CLSTN3: variants seen among roughly 807,000 people sequenced by gnomAD.
CLSTN3 encodes calsyntenin 3, also known as calsyntenin-3.
A neutral mutation model predicts 95.9 loss-of-function variants in CLSTN3; 36 were observed. The observed-to-expected ratio is 0.38, with a 90% CI of 0.29 to 0.50. The LOEUF (loss-of-function observed/expected upper bound fraction) is 0.50, where lower values mean the gene tolerates loss of function less well. CLSTN3 is among the 20% of genes least tolerant of loss of function. The pLI, the probability that CLSTN3 is intolerant of heterozygous loss-of-function variation, is 0.95. For synonymous variants in CLSTN3, 481 were observed against 504.0 expected, an observed-to-expected ratio of 0.95 and a Z score of 0.61; for missense variants, 1,084 against 1,268.8, an observed-to-expected ratio of 0.85 and a Z score of 2.21.
rs1338532513 is a variant in CLSTN3, at chr12:7,135,308, T to C, written c.384-19T>C. On this transcript the variant is annotated intron_variant, in intron 3 of 17. Coordinates refer to ENST00000266546, the MANE Select transcript of CLSTN3 (RefSeq NM_014718.4). ...CTGGCTGACGTGTCTTCATCCCTCCTTCTCTCTGGCATATGCAGGGCCACT... is the reference window on the plus strand; with the variant it reads ...CTGGCTGACGTGTCTTCATCCCTCCCTCTCTCTGGCATATGCAGGGCCACT... 2.5e-6 allele frequency: 4 copies of C among 1,612,056 alleles called. No homozygotes were observed. The African/African-American group carries it at 4.0e-5, about 16-fold the overall frequency.
In CLSTN3 at chr12:7,157,020, G is replaced by A; in HGVS notation, c.2528-469G>A. 8.4e-6 allele frequency: 3 copies of A among 358,288 alleles called. No individual in the cohort carries two copies. Among genetic ancestry groups the A allele is most frequent in the South Asian group, 6.3e-5 (3 of 47,802 alleles). The allele number at this position is 358,288 out of a possible 1,614,324, so 22.2% of individuals were successfully genotyped here. A position where few individuals can be genotyped will look rare whatever the true frequency, so the allele number is the denominator to read the frequency against. ...TCTTCCTGCAGCCAGCCCAGGCCTG[G>A]AGCCTGCATCTCCTCCTGCTCAGCC... On this transcript the variant is annotated intron_variant, in intron 16 of 17. Coordinates refer to ENST00000266546, the MANE Select transcript of CLSTN3 (RefSeq NM_014718.4). The surrounding 1 kb of genome is among the most constrained non-coding windows in gnomAD (Gnocchi z 5.9).
intron 1 of CLSTN3, chr12:7,132,256 CA>C (rs1939319250): frequency 8.2e-6 from 2 of 242,810 alleles, no homozygotes; most frequent in Non-Finnish European, 1.7e-5. Flanking sequence ...TTGTGGAGGA[CA>C]TAGAAATGTG....
rs774454301 is a variant in CLSTN3, at chr12:7,148,981, C to T, written c.1857C>T (p.Ser619=). The part of the protein sequence containing the change: ...LRLTTAVKCF[S]EESCVSIPEV... ...CTGCTTTCTTACATAGGTGCTTCAG[C>T]GAAGAGTCCTGCGTCTCCATCCCTG... is the stretch of plus-strand genomic sequence containing the variant. Residue 619 remains serine (S), a synonymous_variant, in exon 13 of 18, where the codon AGC becomes AGT. Transcript: ENST00000266546. The T allele has an allele frequency of 8.7e-6, 14 of 1,613,780 alleles. No homozygotes were observed. The highest frequency in any genetic ancestry group is 4.4e-5 in the South Asian group (4 of 91,086).
chr12:7,147,441 G>A (rs2135810425), intron 12 of CLSTN3, among the ~76,000 whole-genome samples: 1 of 148,378 alleles, frequency 6.7e-6, no homozygotes, highest in South Asian at 2.1e-4. Flanking sequence ...GGACCTGGAA[G>A]GAGAAGAATG....
In CLSTN3 at chr12:7,130,401, G is replaced by A; in HGVS notation, c.-248G>A. ...GCAGTAGCGGGGTTGGGGTGGGAGT[G>A]AGAGAGTGAGGACGCTGGGCTGGGG... is the stretch of plus-strand genomic sequence containing the variant. On this transcript the variant is annotated 5_prime_UTR_variant, in exon 1 of 18. Transcript: ENST00000266546. 1 of 1,436,952 alleles carries A rather than the reference G, an allele frequency of 7.0e-7. No individual in the cohort carries two copies. Among genetic ancestry groups the A allele is most frequent in the Non-Finnish European group, 9.1e-7 (1 of 1,097,160 alleles). The allele number at this position is 1,436,952 out of a possible 1,614,324, so 89.0% of individuals were successfully genotyped here.
At chr12:7,129,663 G>A, upstream of CLSTN3, 1 of 985,444 alleles carries the variant, frequency 1.0e-6, no homozygotes. The surrounding 1 kb of genome is among the most constrained non-coding windows in gnomAD (Gnocchi z 5.5). Context: ...GGGTGGAGGC[G>A]CCTAAATAAT....
Position 7,133,459 on chromosome 12 carries a change from C to T in CLSTN3, c.188-114C>T, listed in dbSNP as rs1939343960. The T allele has an allele frequency of 1.9e-6, 2 of 1,049,312 alleles. No homozygotes were observed. Among genetic ancestry groups the T allele is most frequent in the East Asian group, 2.4e-5 (1 of 41,610 alleles). 65.0% of individuals were successfully genotyped at this position (1,049,312 alleles called of 1,614,324 possible). ...TTGATCATTAATGCTTTTGTGCCTACAGGAGAAGGGACAGGGCTTTGGGAG... is the reference window on the plus strand; with the variant it reads ...TTGATCATTAATGCTTTTGTGCCTATAGGAGAAGGGACAGGGCTTTGGGAG... On this transcript the variant is annotated intron_variant, in intron 2 of 17. Transcript: ENST00000266546. This position sits in a 1 kb window ranked among gnomAD's most constrained non-coding sequence, Gnocchi z 4.7.
At chr12:7,156,548 C>T (rs982095785) in intron 16 of CLSTN3, 16 of 456,698 alleles carry the variant, frequency 3.5e-5, no homozygotes, top group Admixed American at 3.3e-4. Context: ...GCAGTGTGAG[C>T]AGGCGGCCAG....
In CLSTN3 at chr12:7,157,740, A is replaced by G. The variant is rs1254810871; in HGVS notation, c.2730+49A>G. 3 of 1,537,180 alleles carry G rather than the reference A, an allele frequency of 2.0e-6. No individual in the cohort carries two copies. The East Asian group carries it at 7.3e-5, about 38-fold the overall frequency. Reference sequence around the variant, plus strand: ...TTCTGTAGGGTCAAGACTGTGGAGCACACACGGTGAGGACTCCTGAGGAGG... The same window carrying G: ...TTCTGTAGGGTCAAGACTGTGGAGCGCACACGGTGAGGACTCCTGAGGAGG... On this transcript the variant is annotated intron_variant, in intron 17 of 17. Coordinates refer to ENST00000266546, the MANE Select transcript of CLSTN3 (RefSeq NM_014718.4). This position sits in a 1 kb window ranked among gnomAD's most constrained non-coding sequence, Gnocchi z 5.9.
rs1939525357 is a variant in CLSTN3 at position 7,141,481 on chromosome 12, G to C, written c.1486+77G>C. 6.6e-7 allele frequency: 1 copy of C among 1,518,484 alleles called. No homozygotes were observed. The highest frequency in any genetic ancestry group is 2.3e-5 in the East Asian group (1 of 44,406). 94.1% of individuals were successfully genotyped at this position (1,518,484 alleles called of 1,614,324 possible). A position where few individuals can be genotyped will look rare whatever the true frequency, so the allele number is the denominator to read the frequency against. ...GGCTGGTGAGGAGCAAGGGCAGTCT[G>C]ACCCAGCAGCTGAGGCCGCCTCCTG... On this transcript the variant is annotated intron_variant, in intron 9 of 17. Transcript: ENST00000266546. This position sits in a 1 kb window ranked among gnomAD's most constrained non-coding sequence, Gnocchi z 4.1.
upstream of CLSTN3, chr12:7,130,305 C>G (rs1035097533): frequency 3.3e-5 from 29 of 877,002 alleles, 1 homozygote; most frequent in East Asian, 1.4e-3. Flanking sequence ...GCACCTGGTC[C>G]CCCCCCCTCC....
Position 7,148,967 on chromosome 12 carries a change from C to A in CLSTN3, c.1848-5C>A. On this transcript the variant is annotated splice_region_variant and splice_polypyrimidine_tract_variant and intron_variant, in intron 12 of 17. Transcript: ENST00000266546. ...ACATGCTGCTTCTCCTGCTTTCTTA[C>A]ATAGGTGCTTCAGCGAAGAGTCCTG... is the stretch of plus-strand genomic sequence containing the variant. 1.2e-6 allele frequency: 2 copies of A among 1,613,256 alleles called. No individual in the cohort carries two copies. The highest frequency in any genetic ancestry group is 1.7e-6 in the Non-Finnish European group (2 of 1,179,236).
In CLSTN3 at chr12:7,149,339, G is replaced by C. The variant is rs1364632612; in HGVS notation, c.2074+141G>C. The C allele has an allele frequency of 1.1e-6, 1 of 928,456 alleles. No individual in the cohort carries two copies. Among genetic ancestry groups the C allele is most frequent in the African/African-American group, 1.7e-5 (1 of 60,130 alleles). The allele number at this position is 928,456 out of a possible 1,614,324, so 57.5% of individuals were successfully genotyped here. A position where few individuals can be genotyped will look rare whatever the true frequency, so the allele number is the denominator to read the frequency against. On this transcript the variant is annotated intron_variant, in intron 13 of 17. Coordinates refer to ENST00000266546, the MANE Select transcript of CLSTN3 (RefSeq NM_014718.4). This position sits in a 1 kb window ranked among gnomAD's most constrained non-coding sequence, Gnocchi z 4.5. ...GACTGAACAACTTACCTTTAAGAAG[G>C]AGAGCAAGTGGAAAACACGTGGGTG... is the stretch of plus-strand genomic sequence containing the variant.
chr12:7,158,024 C>T lies in CLSTN3; in HGVS notation c.2814C>T (p.Ala938=), dbSNP rs142864552. 416 of 1,550,708 alleles carry T rather than the reference C, an allele frequency of 2.7e-4. 2 individuals carry two copies. In the East Asian group the frequency reaches 8.0e-3, roughly 30 times the overall value. Residue 938 remains alanine, a synonymous_variant, in exon 18 of 18, where the codon GCC becomes GCT. Transcript: ENST00000266546. ...AGGACAGCAGTGACTCGGAGGTGGC[C>T]GATTCCCCCAGCAGCGACGAGAGAC... is the stretch of plus-strand genomic sequence containing the variant. The part of the protein sequence containing the change: ...EDEDSSDSEV[A]DSPSSDERRI...
In CLSTN3 at chr12:7,135,977, A is replaced by G. The variant is rs202151281; in HGVS notation, c.742+24A>G. 5,664 of 1,571,766 alleles carry G rather than the reference A, an allele frequency of 3.6e-3. 18 individuals are homozygous for G. Among genetic ancestry groups the G allele is most frequent in the Non-Finnish European group, 4.4e-3 (5,159 of 1,161,292 alleles). On this transcript the variant is annotated intron_variant, in intron 5 of 17. Transcript: ENST00000266546. ...AGGTGAGAGCTCAGCGCTGTGCCCC[A>G]TCTTGTGAATCATCTTTTTTCTTGG...
rs996019131 is a variant in CLSTN3, at chr12:7,158,334, G to A, written c.*253G>A. The A allele has an allele frequency of 3.0e-5, 12 of 403,552 alleles. No individual in the cohort carries two copies. The highest frequency in any genetic ancestry group is 4.4e-5 in the Non-Finnish European group (10 of 226,552). The allele number at this position is 403,552 out of a possible 1,614,324, so 25.0% of individuals were successfully genotyped here. A position where few individuals can be genotyped will look rare whatever the true frequency, so the allele number is the denominator to read the frequency against. ...GCACTGGGGCTGGCTGGGTTGGAAAGTGGGCTGGACTTCAGCTGCCTTTCT... is the reference window on the plus strand; with the variant it reads ...GCACTGGGGCTGGCTGGGTTGGAAAATGGGCTGGACTTCAGCTGCCTTTCT... On this transcript the variant is annotated 3_prime_UTR_variant, in exon 18 of 18. Coordinates refer to ENST00000266546, the MANE Select transcript of CLSTN3 (RefSeq NM_014718.4).
Position 7,130,496 on chromosome 12 carries a change from G to GGACTA in CLSTN3, c.-151_-147dup. ...TGGGATCTGCCCAGGCCCGCTTTAT[G>GGACTA]GACTAGTGTGGGCGGCAGGCTCCTT... On this transcript the variant is annotated 5_prime_UTR_variant, in exon 1 of 18. Transcript: ENST00000266546. 6.5e-7 allele frequency: 1 copy of GGACTA among 1,530,838 alleles called. No individual in the cohort carries two copies. The highest frequency in any genetic ancestry group is 1.4e-5 in the African/African-American group (1 of 72,878). 94.8% of individuals were successfully genotyped at this position (1,530,838 alleles called of 1,614,324 possible). A position where few individuals can be genotyped will look rare whatever the true frequency, so the allele number is the denominator to read the frequency against.
Position 7,149,728 on chromosome 12 carries a change from G to A in CLSTN3, c.2245+35G>A, listed in dbSNP as rs1939692266. The A allele has an allele frequency of 6.3e-7, 1 of 1,582,530 alleles. No homozygotes were observed. The highest frequency in any genetic ancestry group is 8.6e-7 in the Non-Finnish European group (1 of 1,160,066). On this transcript the variant is annotated intron_variant, in intron 14 of 17. Transcript: ENST00000266546. The surrounding 1 kb of genome is among the most constrained non-coding windows in gnomAD (Gnocchi z 4.5). Reference sequence around the variant, plus strand: ...GCCTGAGGGCCTGTCCTCTGTGTGTGTGTGCCCCTCCCAAAAAGTAAGGGC... The same window carrying A: ...GCCTGAGGGCCTGTCCTCTGTGTGTATGTGCCCCTCCCAAAAAGTAAGGGC...
rs781478472 is a variant in CLSTN3, at chr12:7,133,563, C to T, written c.188-10C>T. On this transcript the variant is annotated splice_polypyrimidine_tract_variant and intron_variant, in intron 2 of 17. Transcript: ENST00000266546. This position sits in a 1 kb window ranked among gnomAD's most constrained non-coding sequence, Gnocchi z 4.7. The stretch of plus-strand genomic sequence containing the variant: ...AGCAGCCTCACTCCTCCCCTTCTCC[C>T]CTTTGCCAGGTGAGATCTGCGGCTT... 1.9e-6 allele frequency: 3 copies of T among 1,613,714 alleles called. No individual in the cohort carries two copies. Among genetic ancestry groups the T allele is most frequent in the Non-Finnish European group, 2.5e-6 (3 of 1,179,884 alleles).
Sources: allele counts gnomAD v4.1 joint callset (sites outside exome capture counted in the v4.1 genomes callset), GRCh38; gene constraint gnomAD v4.1.1; non-coding constraint Gnocchi (gnomAD v3.1); transcripts MANE v1.5; gene names NCBI Gene and HGNC (gene_info 2026-07-23, HGNC 2026-07-21).